The following ADAMTS20 variants were observed in gnomAD, a reference collection of about 807,000 sequenced individuals.
ADAMTS20 encodes A disintegrin and metalloproteinase with thrombospondin motifs 20.
In ADAMTS20, 225 loss-of-function variants were observed where a neutral mutation model predicts 260.1. That is an observed-to-expected ratio of 0.87 (90% confidence interval 0.78 to 0.97). ADAMTS20 has a LOEUF of 0.97. Among genes scored for constraint, ADAMTS20 ranks in the 50% least tolerant of loss-of-function variants. ADAMTS20 has a pLI of 0.00. For synonymous variants in ADAMTS20, 802 were observed against 769.5 expected (o/e 1.04, Z -0.70); for missense variants, 2,400 against 2,337.7 (o/e 1.03, Z -0.55).
chr12:43,401,073 C>T lies in ADAMTS20; in HGVS notation c.4285-1840G>A, dbSNP rs141845455. ...AGATCAGAAAAACAAAAACACTACA[C>T]GATACCAAATACCATTAAAAGGATA... On this transcript the variant is annotated intron_variant, in intron 28 of 38. Coordinates refer to ENST00000389420, the MANE Select transcript of ADAMTS20 (RefSeq NM_025003.5). 2.3e-3 allele frequency among the ~76,000 whole-genome samples: 355 copies of T among 151,832 alleles called. 2 individuals are homozygous for T. The highest frequency in any genetic ancestry group is 7.5e-3 in the African/African-American group (313 of 41,470).
chr12:43,515,418 T>C (rs1592105913), intron 3 of ADAMTS20, among the ~76,000 whole-genome samples: 2 of 152,206 alleles, frequency 1.3e-5, no homozygotes, highest in African/African-American at 2.4e-5. Flanking sequence ...ATATCTAAGA[T>C]GTAAGCTAAG....
intron 31 of ADAMTS20, among the ~76,000 whole-genome samples, chr12:43,382,446 A>C (rs1272164009): frequency 6.6e-6 from 1 of 152,190 alleles, no homozygotes; most frequent in Admixed American, 6.5e-5. Flanking sequence ...CCACAGATAC[A>C]GAAAGCAGAT....
chr12:43,476,922 C>G (rs797003780), intron 7 of ADAMTS20, among the ~76,000 whole-genome samples: 1 of 149,514 alleles, frequency 6.7e-6, no homozygotes, highest in South Asian at 2.1e-4. Flanking sequence ...GTGCAGCACA[C>G]CAGCATGGCA....
intron 29 of ADAMTS20, among the ~76,000 whole-genome samples, chr12:43,389,733 G>C (rs1188137849): frequency 6.6e-6 from 1 of 152,020 alleles, no homozygotes; most frequent in African/African-American, 2.4e-5. Flanking sequence ...TGCCACTTTA[G>C]AACAAGGATG....
intron 28 of ADAMTS20, among the ~76,000 whole-genome samples, chr12:43,405,213 T>C (rs1203660397): frequency 5.6e-5 from 4 of 71,128 alleles, no homozygotes; most frequent in Admixed American, 2.2e-4. Context: ...GGTAACAAAA[T>C]GAGACCTCAT....
At position 43,552,160 on chromosome 12, in the gene ADAMTS20, C is replaced by T. The variant is rs1440397379; in HGVS notation, c.-239G>A. On this transcript the variant is annotated 5_prime_UTR_variant, in exon 1 of 39. Coordinates refer to ENST00000389420, the MANE Select transcript of ADAMTS20 (RefSeq NM_025003.5). ...CACCCCCCTTCCTGCGCCCGCGCTG[C>T]CCTCAGAAACTCTCTGCTCAGGTTC... 7.9e-5 allele frequency among the ~76,000 whole-genome samples: 12 copies of T among 152,248 alleles called. No individual in the cohort carries two copies. Among genetic ancestry groups the T allele is most frequent in the Non-Finnish European group, 1.8e-4 (12 of 68,048 alleles).
intron 4 of ADAMTS20, among the ~76,000 whole-genome samples, chr12:43,500,638 T>A (rs1440764719): frequency 6.6e-6 from 1 of 152,200 alleles, no homozygotes; most frequent in East Asian, 1.9e-4. Flanking sequence ...AGGGTAAATT[T>A]TACACAATTT....
chr12:43,360,558 A>T (rs1939845551), intron 37 of ADAMTS20, among the ~76,000 whole-genome samples: 1 of 152,220 alleles, frequency 6.6e-6, no homozygotes, highest in Non-Finnish European at 1.5e-5. Flanking sequence ...TTGAGTCCCC[A>T]ATCATTAAAC....
At chr12:43,464,146 C>T (rs1195812262) in intron 10 of ADAMTS20, among the ~76,000 whole-genome samples, 1 of 151,956 alleles carries the variant, frequency 6.6e-6, no homozygotes, top group Non-Finnish European at 1.5e-5. Context: ...AAAAACTAAA[C>T]AATATGCCCC....
intron 18 of ADAMTS20, 66 bp from the exon 19 acceptor site, chr12:43,434,437 T>C: frequency 6.7e-7 from 1 of 1,485,384 alleles, no homozygotes; most frequent in East Asian, 2.5e-5. Flanking sequence ...TCCATAATTA[T>C]GTAATTCTGC....
Position 43,430,383 on chromosome 12 carries a change from C to A in ADAMTS20, c.3350G>T (p.Cys1117Phe), listed in dbSNP as rs1338544639. ...GTCACTGGGGCGACTAGCTTCATGG[C>A]ATTCTGTGTCCTCTAACACTGCACT... ...LASAVLEDTE[C>F]HEASRPSDRQ... The change falls in exon 23 of 39, where the codon TGC becomes TTC. Residue 1117 changes from cysteine to phenylalanine, a missense_variant. Cys to Phe is a radical substitution (Grantham distance 205). Transcript: ENST00000389420. The A allele has an allele frequency of 3.7e-6, 6 of 1,612,376 alleles. No homozygotes were observed.
At position 43,521,063 on chromosome 12, in the gene ADAMTS20, T is replaced by G. The variant is rs145092285; in HGVS notation, c.613+10973A>C. On this transcript the variant is annotated intron_variant, in intron 3 of 38. Coordinates refer to ENST00000389420, the MANE Select transcript of ADAMTS20 (RefSeq NM_025003.5). ...CTCAGTTCCTTCATGATACCTCACC[T>G]TACTCCTTTCTGGTAAATGCCTGAT... is the stretch of plus-strand genomic sequence containing the variant. Among the ~76,000 whole-genome samples the G allele has an allele frequency of 1.4e-3, 211 of 152,350 alleles. 1 individual carries two copies. The highest frequency in any genetic ancestry group is 4.7e-3 in the African/African-American group (196 of 41,576).
intron 37 of ADAMTS20, among the ~76,000 whole-genome samples, chr12:43,363,640 A>C (rs1939922286): frequency 6.6e-6 from 1 of 152,220 alleles, no homozygotes; most frequent in Non-Finnish European, 1.5e-5. Context: ...AGCTTTTCCT[A>C]TTGTGACTAG....
Position 43,552,181 on chromosome 12 carries a change from G to C in ADAMTS20, c.-260C>G, listed in dbSNP as rs1393395717. Among the ~76,000 whole-genome samples, 1 of 152,220 alleles carries C rather than the reference G, an allele frequency of 6.6e-6. No homozygotes were observed. ...GCTGCCCTCAGAAACTCTCTGCTCAGGTTCAGCTCGGCGCGGGGAAGCAAC... is the reference window on the plus strand; with the variant it reads ...GCTGCCCTCAGAAACTCTCTGCTCACGTTCAGCTCGGCGCGGGGAAGCAAC... On this transcript the variant is annotated 5_prime_UTR_variant, in exon 1 of 39. Coordinates refer to ENST00000389420, the MANE Select transcript of ADAMTS20 (RefSeq NM_025003.5).
intron 28 of ADAMTS20, among the ~76,000 whole-genome samples, chr12:43,419,146 T>C (rs1941184161): frequency 6.6e-6 from 1 of 152,112 alleles, no homozygotes; most frequent in African/African-American, 2.4e-5. Flanking sequence ...TTATTCAACT[T>C]ACCCTTTTAA....
chr12:43,436,754 G>A (rs1473427819), intron 18 of ADAMTS20, among the ~76,000 whole-genome samples: 1 of 152,138 alleles, frequency 6.6e-6, no homozygotes, highest in African/African-American at 2.4e-5. Context: ...TGAATGATGT[G>A]ATCCCAGCCC....
At chr12:43,389,450 T>C (rs539339301) in intron 29 of ADAMTS20, among the ~76,000 whole-genome samples, 2 of 152,230 alleles carry the variant, frequency 1.3e-5, no homozygotes, top group African/African-American at 2.4e-5. Context: ...TTGAGAATAA[T>C]CTTTGATGCA....
At chr12:43,411,384 TCAGA>T (rs1456202489) in intron 28 of ADAMTS20, among the ~76,000 whole-genome samples, 1 of 152,052 alleles carries the variant, frequency 6.6e-6, no homozygotes, top group African/African-American at 2.4e-5. Flanking sequence ...GTTTGTTTTT[TCAGA>T]CAAAGTTTCG....
chr12:43,399,488 T>C (rs1940768168), intron 28 of ADAMTS20, among the ~76,000 whole-genome samples: 1 of 152,200 alleles, frequency 6.6e-6, no homozygotes, highest in Non-Finnish European at 1.5e-5. Flanking sequence ...TTGTCTACAA[T>C]ATACCAGGTA....
Sources: gnomAD v4.1 joint callset for allele counts (sites outside exome capture counted in the v4.1 genomes callset) on GRCh38, gnomAD v4.1.1 for gene constraint, MANE v1.5 for transcripts, NCBI Gene and HGNC (gene_info 2026-07-23, HGNC 2026-07-21) for gene names.